The following TAX1BP1 variants were observed in gnomAD, a reference collection of about 807,000 sequenced individuals.
TAX1BP1 encodes tax1-binding protein 1.
TAX1BP1 carries 62 observed loss-of-function variants against 97.7 expected under a neutral mutation model. The observed-to-expected ratio is 0.63, with a 90% CI of 0.52 to 0.78. The LOEUF is 0.78. Among genes scored for constraint, TAX1BP1 ranks in the 30% least tolerant of loss-of-function variants. TAX1BP1 has a pLI of 0.00. For missense variants in TAX1BP1, 867 were observed against 916.1 expected, an observed-to-expected ratio of 0.95 and a Z score of 0.69; for synonymous variants, 340 against 304.2, an observed-to-expected ratio of 1.12 and a Z score of -1.23.
chr7:27,757,889 A>T (rs1011669830), intron 2 of TAX1BP1, 142 bp from the exon 3 acceptor site: 2 of 494,234 alleles, frequency 4.0e-6, no homozygotes, highest in African/African-American at 1.9e-5. Context: ...ATAATTTGAC[A>T]TGCTTGTTAA....
chr7:27,827,884 C>T, intron 16 of TAX1BP1, 64 bp downstream of exon 16: 1 of 1,441,564 alleles, frequency 6.9e-7, no homozygotes, highest in South Asian at 1.2e-5. Context: ...AAAGGTGGTC[C>T]TTGGGAACTC....
At chr7:27,763,106 G>C (rs1222937107) in intron 3 of TAX1BP1, among the ~76,000 whole-genome samples, 2 of 152,180 alleles carry the variant, frequency 1.3e-5, no homozygotes, top group African/African-American at 4.8e-5. Context: ...GGAAAGCTTA[G>C]TCATTGAATA....
chr7:27,763,335 A>G (rs1788500658), intron 3 of TAX1BP1, among the ~76,000 whole-genome samples: 1 of 152,094 alleles, frequency 6.6e-6, no homozygotes. Flanking sequence ...ACTTTTTCCC[A>G]TTTTATTTTC....
In TAX1BP1 at chr7:27,742,481, G is replaced by A. The variant is rs186884569; in HGVS notation, c.-8+2212G>A. 2.6e-5 allele frequency among the ~76,000 whole-genome samples: 4 copies of A among 152,264 alleles called. No individual in the cohort carries two copies. The East Asian group carries it at 7.7e-4, about 29-fold the overall frequency. On this transcript the variant is annotated intron_variant, in intron 1 of 16. Transcript: ENST00000396319. ...ACACAGCACATGTTTCAGAGAGCACGGGGTTGGTGGTAAGGTCATAGATTA... is the reference window on the plus strand; with the variant it reads ...ACACAGCACATGTTTCAGAGAGCACAGGGTTGGTGGTAAGGTCATAGATTA...
intron 1 of TAX1BP1, among the ~76,000 whole-genome samples, chr7:27,744,936 C>T (rs1787764211): frequency 6.6e-6 from 1 of 152,102 alleles, no homozygotes; most frequent in East Asian, 1.9e-4. Context: ...TAAAGAAATT[C>T]TAGAGGCATT....
rs764549692 is a variant in TAX1BP1 at position 27,758,016 on chromosome 7, G to T, written c.163-15G>T. On this transcript the variant is annotated splice_polypyrimidine_tract_variant and intron_variant, in intron 2 of 16. Transcript: ENST00000396319. ...ATTTGCTTATAAATCCGCCTTTTTT[G>T]TTATTTCCCTTTAGGTTGGATGGAG... The T allele has an allele frequency of 6.3e-7, 1 of 1,582,052 alleles. No homozygotes were observed. The highest frequency in any genetic ancestry group is 1.4e-5 in the African/African-American group (1 of 73,828).
At position 27,793,138 on chromosome 7, in the gene TAX1BP1, G is replaced by A; in HGVS notation, c.1336G>A (p.Ala446Thr). ...TCTGAAACTCCGTCTTCAGATGGCT[G>A]CAGACCATTATAAAGAAAAATTTAA... ...EDLKLRLQMA[A>T]DHYKEKFKEC... Residue 446 changes from alanine (A) to threonine (T), a missense_variant, in exon 10 of 17, where the codon GCA becomes ACA. Physicochemically the swap from Ala to Thr is moderately conservative, Grantham distance 58 (BLOSUM62 0). Around this residue, in one of 3 missense-constraint regions of TAX1BP1, gnomAD observed 822 missense variants for 851.4 expected, o/e 0.97. Transcript: ENST00000396319. The A allele has an allele frequency of 6.2e-7, 1 of 1,601,108 alleles. No homozygotes were observed. Among genetic ancestry groups the A allele is most frequent in the South Asian group, 1.1e-5 (1 of 87,800 alleles).
rs556706204 is a variant in TAX1BP1, at chr7:27,787,749, A to G, written c.1038+146A>G. On this transcript the variant is annotated intron_variant, in intron 8 of 16. Transcript: ENST00000396319. ...CAGTTGGAAGAACAGAACAATGAATACTGATGTACCCTAAAATATTTTGCC... is the reference window on the plus strand; with the variant it reads ...CAGTTGGAAGAACAGAACAATGAATGCTGATGTACCCTAAAATATTTTGCC... The G allele has an allele frequency of 5.0e-4, 344 of 689,278 alleles. 3 individuals are homozygous for G. Among genetic ancestry groups the G allele is most frequent in the Middle Eastern group, 3.0e-3 (7 of 2,320 alleles). 42.7% of individuals were successfully genotyped at this position (689,278 alleles called of 1,614,324 possible).
chr7:27,805,395 T>TG (rs1465410694), intron 13 of TAX1BP1, among the ~76,000 whole-genome samples: 2 of 152,180 alleles, frequency 1.3e-5, no homozygotes, highest in African/African-American at 4.8e-5. Context: ...GATACATATG[T>TG]GGTAAGGATT....
At chr7:27,779,322 T>A (rs934781022) in intron 5 of TAX1BP1, among the ~76,000 whole-genome samples, 9 of 152,134 alleles carry the variant, frequency 5.9e-5, no homozygotes, top group Non-Finnish European at 1.3e-4. Context: ...GAGGCAAATA[T>A]CTTGAGGCAC....
Position 27,748,603 on chromosome 7 carries a change from C to T in TAX1BP1, c.79C>T (p.Leu27Phe). ...VIFQNVAKSY[L>F]PNAHLECHYT... ...CTTTCAAAATGTGGCCAAGAGTTAC[C>T]TTCCTAATGCACACCTGGAATGTCA... The change falls in exon 2 of 17, where the codon CTT (leucine) becomes TTT (phenylalanine). Residue 27 changes from leucine (L) to phenylalanine (F), a missense_variant. Physicochemically the swap from Leu to Phe is conservative, Grantham distance 22. Coordinates refer to ENST00000396319, the MANE Select transcript of TAX1BP1 (RefSeq NM_006024.7). 1.2e-6 allele frequency: 2 copies of T among 1,605,490 alleles called. No homozygotes were observed. Among genetic ancestry groups the T allele is most frequent in the East Asian group, 2.2e-5 (1 of 44,614 alleles).
chr7:27,806,894 T>C (rs1037623597), intron 13 of TAX1BP1, among the ~76,000 whole-genome samples: 1 of 152,158 alleles, frequency 6.6e-6, no homozygotes, highest in Non-Finnish European at 1.5e-5. Context: ...ACAGGCAATA[T>C]GGGATGTTTT....
At chr7:27,799,127 T>C (rs1034362049) in intron 12 of TAX1BP1, among the ~76,000 whole-genome samples, 5 of 152,238 alleles carry the variant, frequency 3.3e-5, no homozygotes, top group Admixed American at 2.0e-4. Flanking sequence ...TCTAGAAGTT[T>C]TATAATCAGC....
At chr7:27,789,067 C>T (rs1789599980) in intron 8 of TAX1BP1, among the ~76,000 whole-genome samples, 2 of 151,952 alleles carry the variant, frequency 1.3e-5, no homozygotes, top group Admixed American at 6.6e-5. Context: ...TCCATCCAGC[C>T]GTACACACCA....
At chr7:27,769,193 T>C (rs73078776) in intron 4 of TAX1BP1, among the ~76,000 whole-genome samples, 11,733 of 151,882 alleles carry the variant, frequency 0.077, 655 homozygotes, top group Middle Eastern at 0.12. Flanking sequence ...CATTTCTTGG[T>C]GTCTTAAGGA....
rs553330597 is a variant in TAX1BP1 at position 27,766,237 on chromosome 7, G to T, written c.453+216G>T. Among the ~76,000 whole-genome samples the T allele has an allele frequency of 1.1e-3, 165 of 151,950 alleles. 2 individuals carry two copies. The highest frequency in any genetic ancestry group is 6.8e-3 in the Middle Eastern group (2 of 294). On this transcript the variant is annotated intron_variant, in intron 4 of 16. Coordinates refer to ENST00000396319, the MANE Select transcript of TAX1BP1 (RefSeq NM_006024.7). ...ATATCGAGACCATCCTGGCTAACACGGTGTAACTCTGTCTCTACTAAGAAT... is the reference window on the plus strand; with the variant it reads ...ATATCGAGACCATCCTGGCTAACACTGTGTAACTCTGTCTCTACTAAGAAT...
upstream of TAX1BP1, chr7:27,739,583 C>T (rs1355947213): frequency 6.6e-6 from 1 of 152,136 alleles, no homozygotes; most frequent in African/African-American, 2.4e-5. Context: ...GAAAAGAGGC[C>T]TCTGCTGGAG....
At chr7:27,748,466 T>G (rs1301523596) in intron 1 of TAX1BP1, 52 bp from the exon 2 acceptor site, 1 of 1,302,916 alleles carries the variant, frequency 7.7e-7, no homozygotes, top group Non-Finnish European at 1.0e-6. Flanking sequence ...TCTGAAGGCA[T>G]AAGTTTATTC....
chr7:27,793,623 A>G (rs557085236), intron 10 of TAX1BP1, among the ~76,000 whole-genome samples: 139 of 152,276 alleles, frequency 9.1e-4, no homozygotes, highest in Middle Eastern at 3.4e-3. Context: ...TACTCATATT[A>G]TGAAGATTCC....
Sources: gnomAD v4.1 joint callset for allele counts (sites outside exome capture counted in the v4.1 genomes callset) on GRCh38, gnomAD v4.1.1 for gene constraint, gnomAD v4.1.1 regional missense constraint, MANE v1.5 for transcripts, NCBI Gene and HGNC (gene_info 2026-07-23, HGNC 2026-07-21) for gene names.